The following SLC24A2 variants were observed in gnomAD, a reference collection of about 807,000 sequenced individuals.
SLC24A2 encodes the protein solute carrier family 24 member 2.
SLC24A2 carries 36 observed loss-of-function variants against 62.0 expected under a neutral mutation model. That is an observed-to-expected ratio of 0.58 (90% CI 0.44 to 0.77). The LOEUF is 0.77. Ranked by LOEUF, SLC24A2 falls within the 30% of genes least tolerant of loss-of-function variation. The pLI is 0.00. For synonymous variants in SLC24A2, 358 were observed against 294.0 expected, an observed-to-expected ratio of 1.22 and a Z score of -2.23; for missense variants, 846 against 817.9, an observed-to-expected ratio of 1.03 and a Z score of -0.42.
chr9:20,064,800 A>G, the SLC24A2 span, among the ~76,000 whole-genome samples: 1 of 152,224 alleles, frequency 6.6e-6, no homozygotes, highest in African/African-American at 2.4e-5. Context: ...TAAAAGGCAT[A>G]CAATATGCAT....
At chr9:19,755,653 C>T (rs1049978951) in intron 2 of SLC24A2, among the ~76,000 whole-genome samples, 1 of 152,128 alleles carries the variant, frequency 6.6e-6, no homozygotes, top group Non-Finnish European at 1.5e-5. Context: ...AAGGTCATCC[C>T]TGCTGTGGGT....
the SLC24A2 span, among the ~76,000 whole-genome samples, chr9:19,820,060 T>TATATATATAC: frequency 3.5e-4 from 40 of 112,842 alleles, no homozygotes; most frequent in African/African-American, 1.1e-3. Flanking sequence ...TATATACACA[T>TATATATATAC]ATATATATAT....
At chr9:19,523,582 C>G (rs758328114) in intron 9 of SLC24A2, among the ~76,000 whole-genome samples, 1 of 152,084 alleles carries the variant, frequency 6.6e-6, no homozygotes. Flanking sequence ...CCTGCCTCAG[C>G]CTCCCAAGTA....
At chr9:19,957,328 A>T in the SLC24A2 span, 1 of 152,246 alleles carries the variant, frequency 6.6e-6, no homozygotes, top group African/African-American at 2.4e-5. Flanking sequence ...AGTAGCGAGC[A>T]AAACACTCTA....
At chr9:19,714,488 G>A (rs958683349) in intron 2 of SLC24A2, among the ~76,000 whole-genome samples, 1 of 152,144 alleles carries the variant, frequency 6.6e-6, no homozygotes, top group Non-Finnish European at 1.5e-5. Flanking sequence ...TGTTTCTAGA[G>A]TCTCGTCAAC....
chr9:19,864,589 C>T, the SLC24A2 span, among the ~76,000 whole-genome samples: 1 of 152,008 alleles, frequency 6.6e-6, no homozygotes. Context: ...AGGACAAAAA[C>T]CATATGTTCA....
chr9:19,896,813 A>G, the SLC24A2 span, among the ~76,000 whole-genome samples: 2 of 152,242 alleles, frequency 1.3e-5, no homozygotes, highest in Non-Finnish European at 2.9e-5. Context: ...GGGGAACAAC[A>G]TTAATTTTAT....
the SLC24A2 span, among the ~76,000 whole-genome samples, chr9:20,080,297 G>T: frequency 2.6e-5 from 4 of 152,228 alleles, no homozygotes; most frequent in Non-Finnish European, 5.9e-5. Context: ...CAATGGAACA[G>T]AACAGAGTGC....
At chr9:20,142,092 A>T in the SLC24A2 span, among the ~76,000 whole-genome samples, 3 of 152,032 alleles carry the variant, frequency 2.0e-5, no homozygotes, top group Admixed American at 1.3e-4. Context: ...AAATAATAAT[A>T]ATTATTATTA....
chr9:20,279,640 C>G, the SLC24A2 span, among the ~76,000 whole-genome samples: 8 of 152,220 alleles, frequency 5.3e-5, no homozygotes, highest in Non-Finnish European at 7.3e-5. Flanking sequence ...AGCTCTTCTG[C>G]TGGACTAATA....
the SLC24A2 span, among the ~76,000 whole-genome samples, chr9:20,065,039 A>G: frequency 1.3e-5 from 2 of 152,224 alleles, no homozygotes; most frequent in African/African-American, 4.8e-5. Context: ...CAGAACTGGT[A>G]TCCAACCGAT....
intron 7 of SLC24A2, among the ~76,000 whole-genome samples, chr9:19,563,549 C>A (rs1048548974): frequency 1.3e-5 from 2 of 152,104 alleles, no homozygotes; most frequent in Non-Finnish European, 2.9e-5. Context: ...TCTTAGAAAT[C>A]CCTATCAGAG....
chr9:19,669,824 T>A (rs1462271062), intron 2 of SLC24A2, among the ~76,000 whole-genome samples: 2 of 152,202 alleles, frequency 1.3e-5, no homozygotes, highest in Admixed American at 6.5e-5. Flanking sequence ...TTAGCAACCT[T>A]AATTTTATCT....
chr9:20,232,924 T>A, the SLC24A2 span, among the ~76,000 whole-genome samples: 2 of 152,246 alleles, frequency 1.3e-5, no homozygotes, highest in East Asian at 3.8e-4. Flanking sequence ...TGGTATGTGG[T>A]GTCTTTGTTC....
chr9:19,727,463 T>C (rs1587227897), intron 2 of SLC24A2, among the ~76,000 whole-genome samples: 1 of 152,154 alleles, frequency 6.6e-6, no homozygotes, highest in East Asian at 1.9e-4. Flanking sequence ...CTACATCATT[T>C]AGTTATTTAT....
At chr9:19,739,572 T>C (rs1821612442) in intron 2 of SLC24A2, among the ~76,000 whole-genome samples, 1 of 152,182 alleles carries the variant, frequency 6.6e-6, no homozygotes, top group Non-Finnish European at 1.5e-5. Context: ...GAGGAAATAA[T>C]AATCTTTTCA....
the SLC24A2 span, among the ~76,000 whole-genome samples, chr9:20,291,708 A>C: frequency 6.6e-6 from 1 of 151,988 alleles, no homozygotes; most frequent in East Asian, 1.9e-4. Context: ...TAATTTGGGG[A>C]TATATTATAG....
chr9:19,938,481 A>C, the SLC24A2 span, among the ~76,000 whole-genome samples: 1 of 152,180 alleles, frequency 6.6e-6, no homozygotes, highest in Non-Finnish European at 1.5e-5. Context: ...CATGGTGATT[A>C]ATAGAGGTAT....
the SLC24A2 span, among the ~76,000 whole-genome samples, chr9:19,813,306 A>G: frequency 7.0e-6 from 1 of 143,056 alleles, no homozygotes; most frequent in African/African-American, 2.6e-5. Flanking sequence ...TCACTTCTCC[A>G]TCATCTTCCT....
Sources: gnomAD v4.1 joint callset for allele counts (sites outside exome capture counted in the v4.1 genomes callset) on GRCh38, gnomAD v4.1.1 for gene constraint, MANE v1.5 for transcripts, NCBI Gene and HGNC (gene_info 2026-07-23, HGNC 2026-07-21) for gene names.